Variants in ADAMTS20 observed in about 807,000 individuals in gnomAD.
The protein encoded by ADAMTS20 is A disintegrin and metalloproteinase with thrombospondin motifs 20.
ADAMTS20 carries 225 observed loss-of-function variants against 260.1 expected under a neutral mutation model. The ratio of observed to expected loss-of-function variants is 0.87; its 90% CI spans 0.78 to 0.97. The LOEUF is 0.97. Ranked by LOEUF, ADAMTS20 falls within the 50% of genes least tolerant of loss-of-function variation. The probability of loss-of-function intolerance (pLI) is 0.00; values close to 1 mark genes in which losing one functional copy is unlikely to be tolerated. For missense variants in ADAMTS20, 2,400 were observed against 2,337.7 expected (o/e 1.03, Z -0.55); for synonymous variants, 802 against 769.5 (o/e 1.04, Z -0.70).
chr12:43,441,438 T>C (rs1015989900), intron 16 of ADAMTS20, among the ~76,000 whole-genome samples: 2 of 150,610 alleles, frequency 1.3e-5, no homozygotes, highest in Admixed American at 1.3e-4. Flanking sequence ...AAGAAATCAA[T>C]GTGGGATAAA....
chr12:43,477,939 C>A (rs1273312364), intron 7 of ADAMTS20, among the ~76,000 whole-genome samples: 2 of 152,082 alleles, frequency 1.3e-5, no homozygotes, highest in African/African-American at 4.8e-5. Context: ...AAAGCACACA[C>A]TTTTTGAGCT....
intron 3 of ADAMTS20, among the ~76,000 whole-genome samples, chr12:43,517,890 T>C (rs1050013994): frequency 1.3e-5 from 2 of 152,104 alleles, no homozygotes; most frequent in Non-Finnish European, 1.5e-5. Flanking sequence ...TGAATAAATG[T>C]TATATATGCT....
At position 43,493,172 on chromosome 12, in the gene ADAMTS20, C is replaced by T. The variant is rs1942629876; in HGVS notation, c.949G>A (p.Glu317Lys). The T allele has an allele frequency of 1.3e-6, 2 of 1,556,116 alleles. No individual in the cohort carries two copies. Among genetic ancestry groups the T allele is most frequent in the Non-Finnish European group, 1.7e-6 (2 of 1,147,700 alleles). ...VVKLVMIHRE[E>K]EGPVINFDGA... ...CTAATTTTAGACCTGTTTCTTACCTCCTCACGGTGAATCATAACTAATTTT... is the reference window on the plus strand; with the variant it reads ...CTAATTTTAGACCTGTTTCTTACCTTCTCACGGTGAATCATAACTAATTTT... The change falls in exon 5 of 39, where the codon GAG becomes AAG. Residue 317 changes from glutamate (E) to lysine (K), a missense_variant and splice_region_variant. By Grantham distance (56) the Glu-to-Lys change is moderately conservative. Transcript: ENST00000389420.
In ADAMTS20 at chr12:43,463,054, G is replaced by A. The variant is rs912526675; in HGVS notation, c.1510-55C>T. The A allele has an allele frequency of 5.9e-6, 7 of 1,190,164 alleles. No homozygotes were observed. The Admixed American group carries it at 8.2e-5, about 14-fold the overall frequency. 73.7% of individuals were successfully genotyped at this position (1,190,164 alleles called of 1,614,324 possible). ...GTGTAAAGATAACACCACAACACTG[G>A]TTCAATTCAGTATTACACATTGATT... is the stretch of plus-strand genomic sequence containing the variant. On this transcript the variant is annotated intron_variant, in intron 10 of 38. Transcript: ENST00000389420.
intron 2 of ADAMTS20, among the ~76,000 whole-genome samples, chr12:43,544,894 C>T (rs80285920): frequency 0.017 from 2,558 of 152,250 alleles, 29 homozygotes; most frequent in Middle Eastern, 0.099. Context: ...TTCAGCACTA[C>T]GGACAGCTTG....
intron 9 of ADAMTS20, 84 bp downstream of exon 9, chr12:43,466,568 C>G: frequency 2.3e-6 from 3 of 1,314,178 alleles, no homozygotes; most frequent in Non-Finnish European, 3.2e-6. Context: ...AAAAGCTAAA[C>G]AGAAATTGAA....
At chr12:43,436,814 C>CA (rs1941565200) in intron 18 of ADAMTS20, among the ~76,000 whole-genome samples, 1 of 152,188 alleles carries the variant, frequency 6.6e-6, no homozygotes, top group Non-Finnish European at 1.5e-5. Flanking sequence ...TGTTATCCCG[C>CA]AGCACCCTCA....
At chr12:43,460,108 C>G (rs1029530859) in intron 11 of ADAMTS20, among the ~76,000 whole-genome samples, 2 of 152,146 alleles carry the variant, frequency 1.3e-5, no homozygotes, top group Non-Finnish European at 2.9e-5. Flanking sequence ...ATACTGAATA[C>G]AGCTAAATAT....
chr12:43,422,713 CA>C (rs1941258970), intron 28 of ADAMTS20: 1 of 151,930 alleles, frequency 6.6e-6, no homozygotes, highest in African/African-American at 2.4e-5. Flanking sequence ...GTGAATTATT[CA>C]ATGAATTCCT....
At position 43,548,263 on chromosome 12, in the gene ADAMTS20, G is replaced by A. The variant is rs547862487; in HGVS notation, c.453+2646C>T. Among the ~76,000 whole-genome samples, 32 of 152,286 alleles carry A rather than the reference G, an allele frequency of 2.1e-4. No individual in the cohort carries two copies. In the East Asian group the frequency reaches 3.5e-3, roughly 17 times the overall value. On this transcript the variant is annotated intron_variant, in intron 2 of 38. Transcript: ENST00000389420. ...AGCTCTGAGAATCCTTCAGCAAACT[G>A]CAACCTTAATGTTTAATGGACTGAG...
intron 7 of ADAMTS20, among the ~76,000 whole-genome samples, chr12:43,489,320 C>T (rs568161232): frequency 6.8e-6 from 1 of 148,052 alleles, no homozygotes; most frequent in Non-Finnish European, 1.5e-5. Context: ...AACAAACCAA[C>T]AAACTGCTAA....
At chr12:43,538,029 T>C (rs1943321503) in intron 2 of ADAMTS20, among the ~76,000 whole-genome samples, 1 of 152,224 alleles carries the variant, frequency 6.6e-6, no homozygotes, top group Non-Finnish European at 1.5e-5. Context: ...TTTGGGTGTA[T>C]ACCCAGCAGT....
chr12:43,531,631 A>G (rs929027876), intron 3 of ADAMTS20, among the ~76,000 whole-genome samples: 7 of 152,112 alleles, frequency 4.6e-5, no homozygotes, highest in Non-Finnish European at 1.0e-4. Flanking sequence ...CAGAGGCTAC[A>G]GTTGCAGGCG....
intron 2 of ADAMTS20, among the ~76,000 whole-genome samples, chr12:43,542,553 T>C (rs1943391240): frequency 6.6e-6 from 1 of 152,304 alleles, no homozygotes; most frequent in Non-Finnish European, 1.5e-5. Flanking sequence ...TTTTTCCCTA[T>C]CTAAAAATTA....
intron 29 of ADAMTS20, among the ~76,000 whole-genome samples, chr12:43,389,984 A>T (rs943127635): frequency 6.6e-6 from 1 of 152,202 alleles, no homozygotes; most frequent in Non-Finnish European, 1.5e-5. Context: ...ACACTGCTAA[A>T]GTTTATCACC....
intron 3 of ADAMTS20, among the ~76,000 whole-genome samples, chr12:43,508,611 TTATTA>T (rs1301513236): frequency 3.2e-4 from 31 of 98,408 alleles, no homozygotes; most frequent in African/African-American, 1.2e-3. Context: ...AATTTTTTTA[TTATTA>T]AAAAATATTT....
intron 3 of ADAMTS20, among the ~76,000 whole-genome samples, chr12:43,516,744 C>T (rs1953640076): frequency 1.3e-5 from 2 of 151,860 alleles, no homozygotes; most frequent in Non-Finnish European, 2.9e-5. Context: ...AAGAAAATTA[C>T]AAACTATGCA....
intron 29 of ADAMTS20, among the ~76,000 whole-genome samples, chr12:43,386,848 G>A (rs150461719): frequency 0.052 from 7,892 of 152,254 alleles, 681 homozygotes; most frequent in African/African-American, 0.18. Flanking sequence ...GGTCATTTAT[G>A]TTCTTCTCTA....
chr12:43,516,082 G>C (rs1016916059), intron 3 of ADAMTS20, among the ~76,000 whole-genome samples: 1 of 152,060 alleles, frequency 6.6e-6, no homozygotes, highest in Admixed American at 6.6e-5. Flanking sequence ...TCATTCAAGG[G>C]AGAAAACATT....
Sources: gnomAD v4.1 joint callset for allele counts (sites outside exome capture counted in the v4.1 genomes callset) on GRCh38, gnomAD v4.1.1 for gene constraint, MANE v1.5 for transcripts, NCBI Gene and HGNC (gene_info 2026-07-23, HGNC 2026-07-21) for gene names.